Variants in KIF13B observed in about 807,000 individuals in gnomAD.
KIF13B encodes kinesin-like protein KIF13B.
In KIF13B, 127 loss-of-function variants were observed where a neutral mutation model predicts 222.0. That is an observed-to-expected ratio of 0.57 (90% CI 0.50 to 0.66). The LOEUF (loss-of-function observed/expected upper bound fraction) is 0.66, where lower values mean the gene tolerates loss of function less well. Among genes scored for constraint, KIF13B ranks in the 30% least tolerant of loss-of-function variants. The pLI is 0.00. For synonymous variants in KIF13B, 976 were observed against 919.0 expected (o/e 1.06, Z -1.12); for missense variants, 2,173 against 2,379.0 (o/e 0.91, Z 1.80).
intron 36 of KIF13B, 109 bp from the exon 37 acceptor site, chr8:29,092,987 G>T: frequency 2.0e-6 from 2 of 990,526 alleles, no homozygotes; most frequent in South Asian, 2.0e-5. Flanking sequence ...AAAAACCAAA[G>T]GTATCCTTAA....
chr8:29,258,119 T>C lies in KIF13B; in HGVS notation c.55+4861A>G, dbSNP rs887581263. 4.6e-5 allele frequency among the ~76,000 whole-genome samples: 7 copies of C among 152,202 alleles called. No homozygotes were observed. In the East Asian group the frequency reaches 1.3e-3, roughly 29 times the overall value. ...CATCTGTCAGTGATCTCTCTGAGAA[T>C]ACTGAAGAATCACCAATGACCCCAG... On this transcript the variant is annotated intron_variant, in intron 1 of 39. Coordinates refer to ENST00000524189, the MANE Select transcript of KIF13B (RefSeq NM_015254.4).
intron 37 of KIF13B, among the ~76,000 whole-genome samples, chr8:29,080,998 C>A (rs1376026720): frequency 6.6e-6 from 1 of 152,216 alleles, no homozygotes; most frequent in Admixed American, 6.5e-5. Context: ...GTGACCATGT[C>A]CCATGTCGCT....
At chr8:29,140,359 G>A (rs1810759510) in intron 20 of KIF13B, 109 bp downstream of exon 20, 2 of 1,388,654 alleles carry the variant, frequency 1.4e-6, no homozygotes, top group East Asian at 4.7e-5. Flanking sequence ...GAAACACAAG[G>A]TATTAATAAG....
At chr8:29,137,793 A>G (rs142643378) in intron 21 of KIF13B, among the ~76,000 whole-genome samples, 2,011 of 152,354 alleles carry the variant, frequency 0.013, 29 homozygotes, top group Non-Finnish European at 0.022. Flanking sequence ...GAAATACACA[A>G]GATGAGATCG....
At chr8:29,152,402 A>C (rs1420784363) in intron 14 of KIF13B, among the ~76,000 whole-genome samples, 2 of 152,186 alleles carry the variant, frequency 1.3e-5, no homozygotes, top group East Asian at 3.8e-4. Context: ...CAGGCTACAG[A>C]GAAATCGTTC....
At chr8:29,126,648 C>G in intron 25 of KIF13B, 137 bp from the exon 26 acceptor site, 1 of 654,366 alleles carries the variant, frequency 1.5e-6, no homozygotes, top group Non-Finnish European at 2.7e-6. Flanking sequence ...CCCACCTACC[C>G]ACACCCTCAC....
In KIF13B at chr8:29,232,167, G is replaced by C. The variant is rs566519445; in HGVS notation, c.149+13179C>G. ...AGCTACTTGGGTGGCTGAGGTGGGA[G>C]GATCCCTTGAACCTGGAAAGGTTGA... On this transcript the variant is annotated intron_variant, in intron 2 of 39. Transcript: ENST00000524189. 3.9e-5 allele frequency among the ~76,000 whole-genome samples: 6 copies of C among 152,018 alleles called. No homozygotes were observed. The East Asian group carries it at 1.2e-3, about 29-fold the overall frequency.
chr8:29,190,907 G>T (rs2130347938), intron 4 of KIF13B, 90 bp downstream of exon 4: 1 of 935,326 alleles, frequency 1.1e-6, no homozygotes. Context: ...CACACAGTTT[G>T]GGGGGTTTGC....
At chr8:29,176,036 G>A (rs751460025) in intron 10 of KIF13B, 32 bp downstream of exon 10, 73 of 1,308,042 alleles carry the variant, frequency 5.6e-5, no homozygotes, top group Admixed American at 1.2e-4. Context: ...ACCACCAAAA[G>A]TATGCCAGGA....
intron 21 of KIF13B, chr8:29,138,726 T>C (rs1343636155): frequency 6.6e-6 from 1 of 152,116 alleles, no homozygotes; most frequent in Non-Finnish European, 1.5e-5. Context: ...ATCCAGACTA[T>C]GGGAAACTGC....
At position 29,155,791 on chromosome 8, in the gene KIF13B, A is replaced by G; in HGVS notation, c.1470T>C (p.Pro490=). 1 of 1,598,730 alleles carries G rather than the reference A, an allele frequency of 6.3e-7. No individual in the cohort carries two copies. The highest frequency in any genetic ancestry group is 8.5e-7 in the Non-Finnish European group (1 of 1,171,456). Residue 490 remains proline, a synonymous_variant, in exon 14 of 40, where the codon CCT becomes CCC. Coordinates refer to ENST00000524189, the MANE Select transcript of KIF13B (RefSeq NM_015254.4). ...ACGTGATGTCTATAATACAGTGTTCAGGAAGAATTCCCATGCCGCACAGTT... is the reference window on the plus strand; with the variant it reads ...ACGTGATGTCTATAATACAGTGTTCGGGAAGAATTCCCATGCCGCACAGTT... ...DIQLCGMGIL[P]EHCIIDITSE... is the part of the protein sequence containing the mutation.
At chr8:29,254,040 A>C (rs1458352082) in intron 1 of KIF13B, among the ~76,000 whole-genome samples, 1 of 152,194 alleles carries the variant, frequency 6.6e-6, no homozygotes, top group African/African-American at 2.4e-5. Flanking sequence ...ACATACTGTC[A>C]CAGTTATGGT....
chr8:29,244,075 G>A (rs1400839446), intron 2 of KIF13B, among the ~76,000 whole-genome samples: 1 of 152,104 alleles, frequency 6.6e-6, no homozygotes, highest in African/African-American at 2.4e-5. Flanking sequence ...GTGCAGTGGT[G>A]TGATCTCGGC....
intron 12 of KIF13B, among the ~76,000 whole-genome samples, chr8:29,161,301 G>C (rs1811763641): frequency 6.6e-6 from 1 of 152,164 alleles, no homozygotes; most frequent in Non-Finnish European, 1.5e-5. Context: ...CCCTCAGTAA[G>C]GATCACAAGG....
chr8:29,101,664 G>C (rs2133579812), intron 35 of KIF13B, among the ~76,000 whole-genome samples: 1 of 152,274 alleles, frequency 6.6e-6, no homozygotes, highest in South Asian at 2.1e-4. Context: ...GACAAACAGA[G>C]ACACGGCTCA....
chr8:29,076,887 A>C (rs1005158973), intron 37 of KIF13B, among the ~76,000 whole-genome samples: 1 of 152,184 alleles, frequency 6.6e-6, no homozygotes, highest in African/African-American at 2.4e-5. Flanking sequence ...AGGCAGGAGA[A>C]TCACTTAAGC....
At position 29,071,561 on chromosome 8, in the gene KIF13B, C is replaced by T; in HGVS notation, c.5218+59G>A. ...ACCCTGTCCCCTCCCAGGCCGGCCA[C>T]GTTCCTGCTTCCCCAGACCCCCGGC... On this transcript the variant is annotated intron_variant, in intron 39 of 39. Transcript: ENST00000524189. The surrounding 1 kb of genome is among the most constrained non-coding windows in gnomAD (Gnocchi z 4.9). 1 of 1,455,690 alleles carries T rather than the reference C, an allele frequency of 6.9e-7. No homozygotes were observed. Among genetic ancestry groups the T allele is most frequent in the Admixed American group, 2.0e-5 (1 of 50,084 alleles). The allele number at this position is 1,455,690 out of a possible 1,614,324, so 90.2% of individuals were successfully genotyped here.
Position 29,126,488 on chromosome 8 carries a change from G to T in KIF13B, c.3246C>A (p.Ser1082Arg). Reference sequence around the variant, plus strand: ...TTAACAGGTGCTAAATTACCTGGTAGCTGTCCATGTCTTCCTCTTCCTCCT... The same window carrying T: ...TTAACAGGTGCTAAATTACCTGGTATCTGTCCATGTCTTCCTCTTCCTCCT... ...TFHEEEEDMD[S>R]YQDRDLERLR... Residue 1082 changes from serine to arginine, a missense_variant, in exon 26 of 40, where the codon AGC becomes AGA. By Grantham distance (110) the Ser-to-Arg change is moderately radical (BLOSUM62 -1). Around this residue, in one of 2 missense-constraint regions of KIF13B, gnomAD observed 1,480 missense variants for 1,722.8 expected, o/e 0.86. Coordinates refer to ENST00000524189, the MANE Select transcript of KIF13B (RefSeq NM_015254.4). 1 of 1,539,774 alleles carries T rather than the reference G, an allele frequency of 6.5e-7. No individual in the cohort carries two copies. The highest frequency in any genetic ancestry group is 8.9e-7 in the Non-Finnish European group (1 of 1,121,134).
At chr8:29,219,737 CCT>C (rs1814657530) in intron 2 of KIF13B, among the ~76,000 whole-genome samples, 1 of 144,806 alleles carries the variant, frequency 6.9e-6, no homozygotes, top group Non-Finnish European at 1.5e-5. Flanking sequence ...TGGGTGACAC[CCT>C]GTTTCCAAAA....
Sources: allele counts gnomAD v4.1 joint callset (sites outside exome capture counted in the v4.1 genomes callset), GRCh38; gene constraint gnomAD v4.1.1; regional missense constraint gnomAD v4.1.1; non-coding constraint Gnocchi (gnomAD v3.1); transcripts MANE v1.5; gene names NCBI Gene and HGNC (gene_info 2026-07-23, HGNC 2026-07-21).